GSAP: variants seen among roughly 807,000 people sequenced by gnomAD.
The protein encoded by GSAP is gamma-secretase-activating protein.
In GSAP, 118 loss-of-function variants were observed where a neutral mutation model predicts 131.7. That is an observed-to-expected ratio of 0.90 (90% CI 0.77 to 1.04). The LOEUF (loss-of-function observed/expected upper bound fraction) is 1.04, where lower values mean the gene tolerates loss of function less well. Among genes scored for constraint, GSAP ranks in the 50% least tolerant of loss-of-function variants. The pLI is 0.00. For synonymous variants in GSAP, 381 were observed against 363.4 expected (o/e 1.05, Z -0.55); for missense variants, 1,019 against 1,013.2 (o/e 1.01, Z -0.08).
intron 12 of GSAP, 79 bp downstream of exon 12, chr7:77,373,991 C>T (rs923360323): frequency 6.4e-6 from 5 of 784,682 alleles, no homozygotes; most frequent in Admixed American, 2.1e-5. Context: ...TTTCAGACTC[C>T]ATATAGCTAA....
intron 19 of GSAP, among the ~76,000 whole-genome samples, chr7:77,337,305 G>GGGT (rs1790158615): frequency 7.0e-6 from 1 of 143,804 alleles, no homozygotes; most frequent in African/African-American, 2.7e-5. Context: ...GTGGGGTGGG[G>GGGT]GGGGGGTTAC....
chr7:77,412,177 A>C (rs1803406595), intron 1 of GSAP, among the ~76,000 whole-genome samples: 1 of 152,222 alleles, frequency 6.6e-6, no homozygotes, highest in African/African-American at 2.4e-5. Context: ...GACTCTCAAA[A>C]GAAAGTTGTC....
rs374707588 is a variant in GSAP, at chr7:77,408,029, A to G, written c.110-1924T>C. Among the ~76,000 whole-genome samples the G allele has an allele frequency of 3.2e-4, 49 of 152,370 alleles. No individual in the cohort carries two copies. The East Asian group carries it at 8.7e-3, about 27-fold the overall frequency. ...GTTTCAATTCATACACAAGTTTTCA[A>G]TAATGGGCACAACTAATGTACAGTG... On this transcript the variant is annotated intron_variant, in intron 1 of 30. Coordinates refer to ENST00000257626, the MANE Select transcript of GSAP (RefSeq NM_017439.4).
chr7:77,344,863 TAACA>T, intron 19 of GSAP, among the ~76,000 whole-genome samples: 1 of 152,276 alleles, frequency 6.6e-6, no homozygotes, highest in East Asian at 1.9e-4. Flanking sequence ...AATCCTTCTT[TAACA>T]AACAATTGCT....
chr7:77,362,594 T>C lies in GSAP; in HGVS notation c.938A>G (p.Tyr313Cys). The C allele has an allele frequency of 6.5e-7, 1 of 1,546,754 alleles. No individual in the cohort carries two copies. The highest frequency in any genetic ancestry group is 8.9e-7 in the Non-Finnish European group (1 of 1,120,130). The stretch of plus-strand genomic sequence containing the variant: ...GACATGAAAAGTACCTTTATGAATG[T>C]AAAACACTGAATATGTGATTTGTCC... ...SWGQITYSVFYIHKGHSKTFT... is the reference protein window; with the variant it reads ...SWGQITYSVFCIHKGHSKTFT... Residue 313 changes from tyrosine to cysteine, a missense_variant, in exon 13 of 31, where the codon TAC becomes TGC. Physicochemically the swap from Tyr to Cys is radical, Grantham distance 194. Coordinates refer to ENST00000257626, the MANE Select transcript of GSAP (RefSeq NM_017439.4).
chr7:77,356,476 T>C (rs1280128634), intron 14 of GSAP, among the ~76,000 whole-genome samples: 1 of 152,218 alleles, frequency 6.6e-6, no homozygotes, highest in Admixed American at 6.5e-5. Flanking sequence ...TCATCATCAG[T>C]AGCAGGAGCA....
At chr7:77,403,363 G>T (rs908221709) in intron 3 of GSAP, among the ~76,000 whole-genome samples, 1 of 152,186 alleles carries the variant, frequency 6.6e-6, no homozygotes, top group Non-Finnish European at 1.5e-5. Flanking sequence ...AGGGAAGAGA[G>T]AATTAACCAA....
intron 1 of GSAP, among the ~76,000 whole-genome samples, chr7:77,408,476 A>C (rs1000677925): frequency 6.6e-6 from 1 of 152,100 alleles, no homozygotes; most frequent in Non-Finnish European, 1.5e-5. Flanking sequence ...AGGTAGATGG[A>C]TCACTTGAGG....
chr7:77,351,591 A>G (rs946399361), intron 18 of GSAP: 27 of 985,712 alleles, frequency 2.7e-5, no homozygotes, highest in Non-Finnish European at 2.4e-5. Flanking sequence ...TTAGTTCAGT[A>G]CAGGGAGGTT....
chr7:77,374,502 T>C (rs1796566689), intron 11 of GSAP, among the ~76,000 whole-genome samples: 1 of 152,174 alleles, frequency 6.6e-6, no homozygotes, highest in African/African-American at 2.4e-5. Context: ...GGATTATCAT[T>C]ACTCTAATTT....
chr7:77,396,252 T>C (rs1316026043), intron 5 of GSAP, among the ~76,000 whole-genome samples: 1 of 152,014 alleles, frequency 6.6e-6, no homozygotes, highest in Non-Finnish European at 1.5e-5. Context: ...ATGTTAAAAA[T>C]GGAAAAAAAA....
At chr7:77,407,093 T>C (rs943131680) in intron 1 of GSAP, among the ~76,000 whole-genome samples, 1 of 152,202 alleles carries the variant, frequency 6.6e-6, no homozygotes, top group African/African-American at 2.4e-5. Flanking sequence ...CAAGTCGGAT[T>C]TGGGGAGGGC....
intron 12 of GSAP, among the ~76,000 whole-genome samples, chr7:77,365,898 GTTTTTTTTT>G (rs35007328): frequency 1.7e-5 from 2 of 115,586 alleles, no homozygotes; most frequent in African/African-American, 3.2e-5. Flanking sequence ...GCAACTGTGG[GTTTTTTTTT>G]TTTTTTTTTT....
At chr7:77,335,366 C>A (rs545082601) in intron 19 of GSAP, among the ~76,000 whole-genome samples, 2 of 152,304 alleles carry the variant, frequency 1.3e-5, no homozygotes, top group East Asian at 1.9e-4. Context: ...CCACTGCATT[C>A]CAGCCTGGAT....
intron 10 of GSAP, 115 bp downstream of exon 10, chr7:77,376,733 C>T (rs532679843): frequency 2.2e-5 from 13 of 588,758 alleles, no homozygotes; most frequent in African/African-American, 4.1e-5. Context: ...GCCGAGATCG[C>T]GCCACTGCAC....
chr7:77,323,994 C>T (rs1787987749), intron 23 of GSAP, among the ~76,000 whole-genome samples: 1 of 152,204 alleles, frequency 6.6e-6, no homozygotes, highest in African/African-American at 2.4e-5. Flanking sequence ...AAGGCTCTAA[C>T]TCTGACGAGA....
intron 23 of GSAP, among the ~76,000 whole-genome samples, chr7:77,325,598 T>G (rs575857535): frequency 6.6e-6 from 1 of 152,274 alleles, no homozygotes; most frequent in African/African-American, 2.4e-5. Flanking sequence ...TGAGACGGAG[T>G]CTCCCTCTGT....
rs369150323 is a variant in GSAP at position 77,396,187 on chromosome 7, A to G, written c.367+795T>C. The stretch of plus-strand genomic sequence containing the variant: ...CATCCCTACCCTACTACTAGTCCCT[A>G]TATCTCTTGAACTTTTTTTTTTTCG... On this transcript the variant is annotated intron_variant, in intron 5 of 30. Transcript: ENST00000257626. Among the ~76,000 whole-genome samples the G allele has an allele frequency of 9.2e-5, 14 of 151,742 alleles. No homozygotes were observed. In the East Asian group the frequency reaches 1.2e-3, roughly 13 times the overall value.
rs369535500 is a variant in GSAP at position 77,311,348 on chromosome 7, G to A, written c.*10C>T. 11 of 1,544,478 alleles carry A rather than the reference G, an allele frequency of 7.1e-6. No individual in the cohort carries two copies. The highest frequency in any genetic ancestry group is 2.2e-5 in the South Asian group (2 of 89,546). The stretch of plus-strand genomic sequence containing the variant: ...AAATGGCAGCAGCAGATCCAATTGC[G>A]TTTTCTTTTTCATAAGCCTAAAAGC... On this transcript the variant is annotated 3_prime_UTR_variant, in exon 31 of 31. Transcript: ENST00000257626.
Sources: allele counts gnomAD v4.1 joint callset (sites outside exome capture counted in the v4.1 genomes callset), GRCh38; gene constraint gnomAD v4.1.1; transcripts MANE v1.5; gene names NCBI Gene and HGNC (gene_info 2026-07-23, HGNC 2026-07-21).